ZFHX3: variants seen among roughly 807,000 people sequenced by gnomAD.
ZFHX3 encodes the protein zinc finger homeobox protein 3.
ZFHX3 carries 42 observed loss-of-function variants against 279.1 expected under a neutral mutation model. The ratio of observed to expected loss-of-function variants is 0.15; its 90% CI spans 0.12 to 0.19. ZFHX3 has a LOEUF of 0.19. ZFHX3 is among the 10% of genes least tolerant of loss of function. The probability of loss-of-function intolerance (pLI) is 1.00; values close to 1 mark genes in which losing one functional copy is unlikely to be tolerated. For missense variants in ZFHX3, 4,981 were observed against 4,754.0 expected (o/e 1.05, Z -1.40); for synonymous variants, 2,293 against 1,957.8 (o/e 1.17, Z -4.52).
At chr16:73,058,616 A>C in exon 1 of ZFHX3, 6 of 191,872 alleles carry the variant, frequency 3.1e-5, no homozygotes, top group East Asian at 1.0e-4. Flanking sequence ...TTAATCCCGA[A>C]AAGAGGCGCT....
intron 5 of ZFHX3, among the ~76,000 whole-genome samples, chr16:73,252,111 A>G (rs2013527402): frequency 6.6e-6 from 1 of 152,208 alleles, no homozygotes; most frequent in African/African-American, 2.4e-5. Flanking sequence ...AAAATATGGC[A>G]GTTTAGCTGG....
At chr16:72,956,212 C>T (rs60333104) in intron 2 of ZFHX3, among the ~76,000 whole-genome samples, 86 of 152,326 alleles carry the variant, frequency 5.6e-4, no homozygotes, top group African/African-American at 1.8e-3. Flanking sequence ...TAAACACTTG[C>T]CAACTGCTGA....
In ZFHX3 at chr16:73,540,950, T is replaced by C. The variant is rs534334667; in HGVS notation, c.-1546-84692A>G. On this transcript the variant is annotated intron_variant, in intron 2 of 17. Transcript: ENST00000641206. The stretch of plus-strand genomic sequence containing the variant: ...GGATTTTGGACCCAGGAAAATGAGA[T>C]GCTCTTTTAGAATAGATGGTAGGGG... Among the ~76,000 whole-genome samples, 31 of 152,176 alleles carry C rather than the reference T, an allele frequency of 2.0e-4. No individual in the cohort carries two copies. The South Asian group carries it at 6.2e-3, about 31-fold the overall frequency.
At chr16:73,201,949 T>A (rs970054216) in intron 5 of ZFHX3, among the ~76,000 whole-genome samples, 2 of 152,192 alleles carry the variant, frequency 1.3e-5, no homozygotes, top group Non-Finnish European at 2.9e-5. Flanking sequence ...GTAGTGTTTC[T>A]CAGGAATTTA....
chr16:72,832,012 C>A (rs1231581706), intron 4 of ZFHX3, among the ~76,000 whole-genome samples: 3 of 152,132 alleles, frequency 2.0e-5, no homozygotes, highest in African/African-American at 7.2e-5. Flanking sequence ...GGCTCAATGG[C>A]CTCTCATCTC....
At chr16:73,109,716 G>C (rs1166206210) in intron 7 of ZFHX3, among the ~76,000 whole-genome samples, 1 of 152,086 alleles carries the variant, frequency 6.6e-6, no homozygotes, top group African/African-American at 2.4e-5. Flanking sequence ...GAGTATGGTG[G>C]TGCACACCTG....
chr16:73,872,388 G>C (rs1210309457), intron 1 of ZFHX3, among the ~76,000 whole-genome samples: 1 of 151,784 alleles, frequency 6.6e-6, no homozygotes, highest in Non-Finnish European at 1.5e-5. Context: ...ACCATGCCCA[G>C]TTAACTTATT....
At chr16:73,540,567 T>A (rs141862460) in intron 2 of ZFHX3, among the ~76,000 whole-genome samples, 140 of 152,342 alleles carry the variant, frequency 9.2e-4, no homozygotes, top group Non-Finnish European at 1.7e-3. Context: ...AAGAGTTATT[T>A]TCTCCTATGC....
intron 1 of ZFHX3, among the ~76,000 whole-genome samples, chr16:73,797,501 C>T (rs946327661): frequency 5.9e-5 from 9 of 152,134 alleles, no homozygotes; most frequent in East Asian, 1.9e-4. Flanking sequence ...AAGCCAGTTC[C>T]GCAGAGGTTT....
intron 1 of ZFHX3, among the ~76,000 whole-genome samples, chr16:73,701,674 CT>C (rs1222107015): frequency 2.0e-5 from 3 of 152,056 alleles, no homozygotes; most frequent in African/African-American, 4.8e-5. Context: ...TTATAAACGC[CT>C]TTGCCTTCTA....
chr16:73,410,370 C>T (rs778133501), intron 3 of ZFHX3, among the ~76,000 whole-genome samples: 2 of 152,098 alleles, frequency 1.3e-5, no homozygotes, highest in Admixed American at 6.5e-5. Flanking sequence ...GAGCCAAGAT[C>T]GCACCATTGC....
chr16:73,501,450 C>T (rs541476179), intron 2 of ZFHX3, among the ~76,000 whole-genome samples: 2 of 152,314 alleles, frequency 1.3e-5, no homozygotes, highest in Non-Finnish European at 2.9e-5. Flanking sequence ...ACCATACAGG[C>T]TCTCCCTTAT....
At chr16:73,276,951 T>A (rs969279206) in intron 4 of ZFHX3, among the ~76,000 whole-genome samples, 1 of 152,216 alleles carries the variant, frequency 6.6e-6, no homozygotes, top group African/African-American at 2.4e-5. Context: ...TTTCTCCCCA[T>A]TAGAACAGGT....
chr16:72,833,828 C>A (rs1262900991), intron 4 of ZFHX3, among the ~76,000 whole-genome samples: 1 of 152,184 alleles, frequency 6.6e-6, no homozygotes, highest in Non-Finnish European at 1.5e-5. Flanking sequence ...GGAGCACCCC[C>A]TCCTGTGTGT....
In ZFHX3 at chr16:72,797,082, A is replaced by T. The variant is rs745584596; in HGVS notation, c.5600T>A (p.Leu1867His). The part of the protein sequence containing the change: ...QLSIAQSHSA[L>H]LQPSQHPEKK... Reference sequence around the variant, plus strand: ...TTCGGGGTGCTGGCTTGGCTGAAGGAGGGCAGAGTGACTCTGGGCTATAGA... The same window carrying T: ...TTCGGGGTGCTGGCTTGGCTGAAGGTGGGCAGAGTGACTCTGGGCTATAGA... Residue 1867 changes from leucine (L) to histidine (H), a missense_variant, in exon 9 of 10, where the codon CTC becomes CAC. By Grantham distance (99) the Leu-to-His change is moderately conservative (BLOSUM62 -3). Around this residue, in one of 7 missense-constraint regions of ZFHX3, gnomAD observed 1,751 missense variants for 1,770.0 expected, o/e 0.99. Transcript: ENST00000268489. The T allele has an allele frequency of 5.6e-6, 9 of 1,613,706 alleles. No individual in the cohort carries two copies. The African/African-American group carries it at 1.2e-4, about 22-fold the overall frequency.
chr16:73,741,972 T>C (rs1381492390), intron 1 of ZFHX3, among the ~76,000 whole-genome samples: 2 of 152,116 alleles, frequency 1.3e-5, no homozygotes, highest in Non-Finnish European at 2.9e-5. Context: ...ATTCACACCA[T>C]AAGAATAAAC....
intron 5 of ZFHX3, among the ~76,000 whole-genome samples, chr16:73,195,803 G>A (rs1281812964): frequency 6.6e-6 from 1 of 152,110 alleles, no homozygotes; most frequent in Non-Finnish European, 1.5e-5. Context: ...AATCAGGAAC[G>A]GCAGGAAGTG....
intron 1 of ZFHX3, among the ~76,000 whole-genome samples, chr16:73,053,843 T>C (rs1965496032): frequency 1.3e-5 from 2 of 152,100 alleles, no homozygotes; most frequent in Non-Finnish European, 2.9e-5. Flanking sequence ...AACTCAAATA[T>C]GAACGGAAAT....
chr16:73,870,511 C>T (rs1962133485), intron 1 of ZFHX3, among the ~76,000 whole-genome samples: 3 of 152,146 alleles, frequency 2.0e-5, no homozygotes, highest in African/African-American at 7.2e-5. Flanking sequence ...AACAAATCCC[C>T]CTTTTTTTAA....
Sources: gnomAD v4.1 joint callset for allele counts (sites outside exome capture counted in the v4.1 genomes callset) on GRCh38, gnomAD v4.1.1 for gene constraint, gnomAD v4.1.1 regional missense constraint, MANE v1.5 for transcripts, NCBI Gene and HGNC (gene_info 2026-07-23, HGNC 2026-07-21) for gene names.